Variants in LPP observed in about 807,000 individuals in gnomAD.
The protein encoded by LPP is LIM domain containing preferred translocation partner in lipoma.
Under a neutral mutation model 60.4 loss-of-function variants are expected in LPP, and 38 were observed. The observed-to-expected ratio is 0.63, with a 90% CI of 0.49 to 0.83. The LOEUF is 0.83. Ranked by LOEUF, LPP falls within the 40% of genes least tolerant of loss-of-function variation. The pLI, the probability that LPP is intolerant of heterozygous loss-of-function variation, is 0.00. For missense variants in LPP, 902 were observed against 783.6 expected (o/e 1.15, Z -1.80); for synonymous variants, 328 against 290.8 (o/e 1.13, Z -1.30).
Position 188,874,455 on chromosome 3 carries a change from C to G in LPP, c.1815C>G (p.Thr605=), listed in dbSNP as rs570800629. ...ACTCTGCCCGCATCAGGGTGTTGAC[C>G]GCCAAGGCGAGCACTGACCTTTAGA... ...TCNSARIRVL[T]AKASTDL is the part of the protein sequence containing the mutation. The change falls in exon 12 of 12, where the codon ACC becomes ACG. Residue 605 remains threonine, a synonymous_variant. Coordinates refer to ENST00000617246, the MANE Select transcript of LPP (RefSeq NM_001375462.1). 1.6e-5 allele frequency: 26 copies of G among 1,614,160 alleles called. No homozygotes were observed. In the African/African-American group the frequency reaches 3.3e-4, roughly 21 times the overall value.
intron 8 of LPP, chr3:188,709,344 A>G (rs1866131740): frequency 6.6e-6 from 1 of 151,934 alleles, no homozygotes; most frequent in Non-Finnish European, 1.5e-5. Context: ...TGCAAATTTT[A>G]TTTTTATTTT....
At chr3:188,676,953 G>A (rs1858260847) in intron 7 of LPP, among the ~76,000 whole-genome samples, 1 of 152,150 alleles carries the variant, frequency 6.6e-6, no homozygotes, top group South Asian at 2.1e-4. Flanking sequence ...CTGCCATGTT[G>A]TCAGCTGCCA....
rs915489951 is a variant in LPP at position 188,800,428 on chromosome 3, G to A, written c.1410+40146G>A. Among the ~76,000 whole-genome samples, 5 of 151,726 alleles carry A rather than the reference G, an allele frequency of 3.3e-5. No individual in the cohort carries two copies. In the East Asian group the frequency reaches 7.7e-4, roughly 23 times the overall value. ...GCCCGGCTAATTTTTTGTATTTTTA[G>A]TAGAGGTGGGGTTTCATCGTGTTAG... On this transcript the variant is annotated intron_variant, in intron 9 of 11. Coordinates refer to ENST00000617246, the MANE Select transcript of LPP (RefSeq NM_001375462.1).
intron 5 of LPP, among the ~76,000 whole-genome samples, chr3:188,509,767 A>G (rs1173408904): frequency 6.9e-5 from 10 of 144,120 alleles, no homozygotes; most frequent in Admixed American, 1.4e-4. Context: ...ATCTCGGCTC[A>G]CTGCAAACTC....
At chr3:188,559,873 A>C (rs1830287580) in intron 6 of LPP, among the ~76,000 whole-genome samples, 1 of 152,062 alleles carries the variant, frequency 6.6e-6, no homozygotes, top group Non-Finnish European at 1.5e-5. Context: ...TTCTTCTTTG[A>C]ATGCCAGCTT....
chr3:188,388,780 A>T (rs1050042237), intron 3 of LPP, among the ~76,000 whole-genome samples: 4 of 152,232 alleles, frequency 2.6e-5, no homozygotes, highest in African/African-American at 4.8e-5. Context: ...GAAAGCAGTA[A>T]CTTTTAAGTT....
chr3:188,162,492 G>A (rs1472609574), intron 1 of LPP, among the ~76,000 whole-genome samples: 1 of 152,168 alleles, frequency 6.6e-6, no homozygotes, highest in Non-Finnish European at 1.5e-5. Context: ...TCAAGGCTTT[G>A]GAAGGCAAGA....
intron 3 of LPP, among the ~76,000 whole-genome samples, chr3:188,361,510 CCCTCTCCTCTCCTCT>C (rs1335595790): frequency 2.4e-5 from 2 of 82,668 alleles, no homozygotes; most frequent in African/African-American, 4.6e-5. Flanking sequence ...TTTTCCTTTT[CCCTCTCCTCTCCTCT>C]CCTCTCCTCT....
intron 1 of LPP, among the ~76,000 whole-genome samples, chr3:188,175,953 A>G (rs1024735770): frequency 6.6e-6 from 1 of 152,114 alleles, no homozygotes; most frequent in African/African-American, 2.4e-5. Flanking sequence ...TCTATTAATC[A>G]CAGGAGGAAG....
chr3:188,447,080 A>G (rs1229845062), intron 4 of LPP, among the ~76,000 whole-genome samples: 2 of 152,160 alleles, frequency 1.3e-5, no homozygotes, highest in African/African-American at 2.4e-5. Context: ...TCCTTTGGAT[A>G]CAGAACCTTA....
intron 6 of LPP, among the ~76,000 whole-genome samples, chr3:188,571,156 T>C (rs1429556833): frequency 1.3e-5 from 2 of 152,224 alleles, no homozygotes; most frequent in East Asian, 1.9e-4. Flanking sequence ...AGATTAAGTC[T>C]TATTTCATGC....
At chr3:188,797,617 C>G (rs1033198748) in intron 9 of LPP, among the ~76,000 whole-genome samples, 7 of 140,926 alleles carry the variant, frequency 5.0e-5, no homozygotes, top group Non-Finnish European at 1.1e-4. Flanking sequence ...TCATTCTGTC[C>G]CCTGCATTGA....
At chr3:188,497,269 C>T (rs1160769715) in intron 5 of LPP, among the ~76,000 whole-genome samples, 1 of 151,980 alleles carries the variant, frequency 6.6e-6, no homozygotes, top group Non-Finnish European at 1.5e-5. Context: ...GCCTCAGAGT[C>T]GAATCTCAGT....
chr3:188,288,202 A>T (rs1744626262), intron 2 of LPP, among the ~76,000 whole-genome samples: 1 of 152,236 alleles, frequency 6.6e-6, no homozygotes, highest in Admixed American at 6.5e-5. Context: ...AAAATTGTCC[A>T]CATCCCTTCT....
chr3:188,500,379 A>G (rs1236784996), intron 5 of LPP, among the ~76,000 whole-genome samples: 1 of 152,132 alleles, frequency 6.6e-6, no homozygotes, highest in Non-Finnish European at 1.5e-5. Context: ...TTAATATAAT[A>G]TATAACCTTG....
At position 188,399,566 on chromosome 3, in the gene LPP, A is replaced by G. The variant is rs76428649; in HGVS notation, c.-9-6546A>G. On this transcript the variant is annotated intron_variant, in intron 3 of 11. Transcript: ENST00000617246. ...AATATCATTCATTTATTCAGTGCAC[A>G]CTGACCAAGAGCTAGGCCTTGAGTT... Among the ~76,000 whole-genome samples the G allele has an allele frequency of 2.1e-3, 319 of 152,350 alleles. 11 individuals are homozygous for G. The East Asian group carries it at 0.057, about 27-fold the overall frequency.
Position 188,697,996 on chromosome 3 carries a change from C to T in LPP, c.1114-10271C>T, listed in dbSNP as rs368650833. On this transcript the variant is annotated intron_variant, in intron 7 of 11. Transcript: ENST00000617246. ...AATTAGAACCAGTCAGGGCTGGAGCCGTGGCAACCGAAACTCTGTGCCGTC... is the reference window on the plus strand; with the variant it reads ...AATTAGAACCAGTCAGGGCTGGAGCTGTGGCAACCGAAACTCTGTGCCGTC... Among the ~76,000 whole-genome samples the T allele has an allele frequency of 9.2e-5, 14 of 152,254 alleles. 1 individual carries two copies. Among genetic ancestry groups the T allele is most frequent in the East Asian group, 3.9e-4 (2 of 5,182 alleles).
At chr3:188,759,995 C>T (rs190220293) in intron 8 of LPP, 118 bp from the exon 9 acceptor site, 36 of 779,948 alleles carry the variant, frequency 4.6e-5, no homozygotes, top group African/African-American at 2.2e-4. Flanking sequence ...GGGGTAATGA[C>T]GGCAGGAGTG....
At chr3:188,312,302 C>T (rs1753718754) in intron 2 of LPP, among the ~76,000 whole-genome samples, 1 of 152,176 alleles carries the variant, frequency 6.6e-6, no homozygotes, top group Non-Finnish European at 1.5e-5. Flanking sequence ...ATTTGTAATT[C>T]CGTTTTCTGA....
Sources: allele counts gnomAD v4.1 joint callset (sites outside exome capture counted in the v4.1 genomes callset), GRCh38; gene constraint gnomAD v4.1.1; transcripts MANE v1.5; gene names NCBI Gene and HGNC (gene_info 2026-07-23, HGNC 2026-07-21).